TFCP2: variants seen among roughly 807,000 people sequenced by gnomAD.
TFCP2 encodes the protein transcription factor CP2, also known as alpha-globin transcription factor CP2.
Under a neutral mutation model 73.4 loss-of-function variants are expected in TFCP2, and 33 were observed. The ratio of observed to expected loss-of-function variants is 0.45; its 90% CI spans 0.34 to 0.60. The LOEUF (loss-of-function observed/expected upper bound fraction) is 0.60, where lower values mean the gene tolerates loss of function less well. Among genes scored for constraint, TFCP2 ranks in the 20% least tolerant of loss-of-function variants. The pLI is 0.01. For missense variants in TFCP2, 352 were observed against 604.0 expected, an observed-to-expected ratio of 0.58 and a Z score of 4.37; for synonymous variants, 193 against 211.6, an observed-to-expected ratio of 0.91 and a Z score of 0.76.
chr12:51,147,158 T>A (rs979139636), intron 1 of TFCP2, among the ~76,000 whole-genome samples: 1 of 152,014 alleles, frequency 6.6e-6, no homozygotes, highest in Non-Finnish European at 1.5e-5. Flanking sequence ...GCCTGGCCAA[T>A]ATAGTGAAAC....
Position 51,101,907 on chromosome 12 carries a change from T to C in TFCP2, c.1151+28A>G, listed in dbSNP as rs115299696. 4,593 of 1,459,104 alleles carry C rather than the reference T, an allele frequency of 3.1e-3. 132 individuals are homozygous for C. In the African/African-American group the frequency reaches 0.056, roughly 18 times the overall value. 90.4% of individuals were successfully genotyped at this position (1,459,104 alleles called of 1,614,324 possible). ...CCAAATCCATTTGGAATCCCAACCT[T>C]ATTGATATTTTAACACTAATTACAT... On this transcript the variant is annotated intron_variant, in intron 11 of 14. Coordinates refer to ENST00000257915, the MANE Select transcript of TFCP2 (RefSeq NM_005653.5).
chr12:51,142,194 ACT>A (rs1941207724), intron 1 of TFCP2, among the ~76,000 whole-genome samples: 2 of 96,436 alleles, frequency 2.1e-5, no homozygotes, highest in African/African-American at 4.3e-5. Context: ...ACAGAGCAAG[ACT>A]CTGTCGCAAA....
At chr12:51,129,358 A>G (rs1225562153) in intron 1 of TFCP2, among the ~76,000 whole-genome samples, 2 of 151,976 alleles carry the variant, frequency 1.3e-5, no homozygotes, top group East Asian at 3.9e-4. Flanking sequence ...CTAAAAATAC[A>G]AAAAATTAGC....
chr12:51,147,065 G>A (rs746597992), intron 1 of TFCP2, among the ~76,000 whole-genome samples: 2 of 152,152 alleles, frequency 1.3e-5, no homozygotes, highest in Admixed American at 6.6e-5. Flanking sequence ...ACATTAGGCC[G>A]GGCACAGTGG....
chr12:51,129,349 T>C (rs1286997509), intron 1 of TFCP2, among the ~76,000 whole-genome samples: 4 of 151,610 alleles, frequency 2.6e-5, no homozygotes, highest in Non-Finnish European at 5.9e-5. Context: ...CCATCTCTAC[T>C]AAAAATACAA....
intron 9 of TFCP2, 94 bp from the exon 10 acceptor site, chr12:51,103,857 C>A: frequency 1.0e-6 from 1 of 988,306 alleles, no homozygotes; most frequent in Non-Finnish European, 1.6e-6. Context: ...CAACCCCATA[C>A]TCAGGCCTAG....
At position 51,095,257 on chromosome 12, in the gene TFCP2, T is replaced by C. The variant is rs748016987; in HGVS notation, c.1493A>G (p.His498Arg). ...GCCGCACTCCTACTTCAGTATGATA[T>C]GATAGCTATCATTGGTTTCTGCTGT... ...TMKAETNDSY[H>R]IILK Residue 498 changes from histidine (H) to arginine (R), a missense_variant, in exon 15 of 15, where the codon CAT becomes CGT. His to Arg is a conservative substitution (Grantham distance 29, BLOSUM62 0). Coordinates refer to ENST00000257915, the MANE Select transcript of TFCP2 (RefSeq NM_005653.5). 30 of 1,613,944 alleles carry C rather than the reference T, an allele frequency of 1.9e-5. No homozygotes were observed. Among genetic ancestry groups the C allele is most frequent in the Non-Finnish European group, 2.5e-5 (30 of 1,180,028 alleles).
At chr12:51,146,858 T>C (rs1277090196) in intron 1 of TFCP2, among the ~76,000 whole-genome samples, 1 of 152,208 alleles carries the variant, frequency 6.6e-6, no homozygotes, top group African/African-American at 2.4e-5. Flanking sequence ...CTCCATCAAA[T>C]TGTAAGCAAA....
chr12:51,117,853 A>G, intron 2 of TFCP2, 106 bp from the exon 3 acceptor site: 1 of 666,766 alleles, frequency 1.5e-6, no homozygotes, highest in Non-Finnish European at 2.5e-6. Context: ...TAATAATATT[A>G]TTAGTATTAG....
At chr12:51,103,441 T>C (rs1403971488) in intron 10 of TFCP2, among the ~76,000 whole-genome samples, 1 of 152,260 alleles carries the variant, frequency 6.6e-6, no homozygotes, top group Non-Finnish European at 1.5e-5. Context: ...TAAGCATTTT[T>C]AAATTAAATT....
rs775030715 is a variant in TFCP2, at chr12:51,110,874, T to C, written c.564+3A>G. On this transcript the variant is annotated splice_donor_region_variant and intron_variant, in intron 5 of 14. Coordinates refer to ENST00000257915, the MANE Select transcript of TFCP2 (RefSeq NM_005653.5). The stretch of plus-strand genomic sequence containing the variant: ...AACTGGAACCCTATCTGCAACGCCT[T>C]ACCTGAATAAACACAGATGTCCTCT... 1.2e-6 allele frequency: 2 copies of C among 1,605,942 alleles called. No homozygotes were observed. The highest frequency in any genetic ancestry group is 3.3e-5 in the Admixed American group (2 of 59,950).
intron 1 of TFCP2, among the ~76,000 whole-genome samples, chr12:51,136,355 T>C (rs887776968): frequency 6.6e-6 from 1 of 151,096 alleles, no homozygotes; most frequent in Non-Finnish European, 1.5e-5. Flanking sequence ...GAGCATAACA[T>C]CACTGTCATC....
chr12:51,103,080 C>T (rs752199545), intron 10 of TFCP2, among the ~76,000 whole-genome samples: 9 of 151,916 alleles, frequency 5.9e-5, no homozygotes, highest in Non-Finnish European at 1.2e-4. Flanking sequence ...GTCAGGAGTT[C>T]GAGACCAGCC....
At chr12:51,127,909 G>A (rs1940847978) in intron 1 of TFCP2, among the ~76,000 whole-genome samples, 1 of 136,174 alleles carries the variant, frequency 7.3e-6, no homozygotes. Flanking sequence ...TGTGTCTGAA[G>A]AAGCAATTTT....
chr12:51,128,664 G>T (rs1940869710), intron 1 of TFCP2, among the ~76,000 whole-genome samples: 1 of 152,098 alleles, frequency 6.6e-6, no homozygotes, highest in Non-Finnish European at 1.5e-5. Flanking sequence ...GAAAAAATAT[G>T]AATTTTTTAA....
chr12:51,167,973 A>G (rs1277243251), intron 1 of TFCP2, among the ~76,000 whole-genome samples: 1 of 152,122 alleles, frequency 6.6e-6, no homozygotes, highest in African/African-American at 2.4e-5. Flanking sequence ...CAGCAGGAAG[A>G]TCACTTGAGC....
At chr12:51,136,049 G>A (rs1185458206) in intron 1 of TFCP2, among the ~76,000 whole-genome samples, 2 of 152,106 alleles carry the variant, frequency 1.3e-5, no homozygotes, top group East Asian at 3.8e-4. Context: ...GCTCATGCCT[G>A]TAATCCCAAC....
At chr12:51,164,395 A>G (rs1941710817) in intron 1 of TFCP2, among the ~76,000 whole-genome samples, 1 of 152,090 alleles carries the variant, frequency 6.6e-6, no homozygotes, top group Non-Finnish European at 1.5e-5. Flanking sequence ...TCAGGAGTTC[A>G]AGACCAGCCT....
Position 51,172,552 on chromosome 12 carries a change from AC to A in TFCP2, c.-131del. 1 of 1,273,206 alleles carries A rather than the reference AC, an allele frequency of 7.9e-7. No individual in the cohort carries two copies. The highest frequency in any genetic ancestry group is 1.5e-5 in the African/African-American group (1 of 67,926). 78.9% of individuals were successfully genotyped at this position (1,273,206 alleles called of 1,614,324 possible). On this transcript the variant is annotated 5_prime_UTR_variant, in exon 1 of 15. Coordinates refer to ENST00000257915, the MANE Select transcript of TFCP2 (RefSeq NM_005653.5). Reference sequence around the variant, plus strand: ...GTTTCCCACGCAGTGCCCACCAGCCACCCCCAAGCCCGACCAGCACTGCTCT... The same window carrying A: ...GTTTCCCACGCAGTGCCCACCAGCCACCCCAAGCCCGACCAGCACTGCTCT...
Sources: allele counts gnomAD v4.1 joint callset (sites outside exome capture counted in the v4.1 genomes callset), GRCh38; gene constraint gnomAD v4.1.1; transcripts MANE v1.5; gene names NCBI Gene and HGNC (gene_info 2026-07-23, HGNC 2026-07-21).